GALNT13: variants seen among roughly 807,000 people sequenced by gnomAD.
The protein encoded by GALNT13 is polypeptide N-acetylgalactosaminyltransferase 13.
A neutral mutation model predicts 64.2 loss-of-function variants in GALNT13; 28 were observed. That is an observed-to-expected ratio of 0.44 (90% CI 0.32 to 0.60). GALNT13 has a LOEUF of 0.60. Ranked by LOEUF, GALNT13 falls within the 20% of genes least tolerant of loss-of-function variation. The pLI is 0.05. For missense variants in GALNT13, 577 were observed against 669.8 expected, an observed-to-expected ratio of 0.86 and a Z score of 1.53; for synonymous variants, 214 against 224.6, an observed-to-expected ratio of 0.95 and a Z score of 0.42.
chr2:153,409,336 A>G, the GALNT13 span, among the ~76,000 whole-genome samples: 3 of 148,722 alleles, frequency 2.0e-5, no homozygotes, highest in Non-Finnish European at 3.0e-5. Context: ...TCATATGTAT[A>G]TGTATATATT....
intron 8 of GALNT13, among the ~76,000 whole-genome samples, chr2:154,297,026 T>G (rs1444703900): frequency 6.6e-6 from 1 of 152,188 alleles, no homozygotes; most frequent in Non-Finnish European, 1.5e-5. Context: ...TGAAAAGGTA[T>G]GTGGTATGTT....
the GALNT13 span, among the ~76,000 whole-genome samples, chr2:153,275,375 T>C: frequency 5.9e-5 from 9 of 152,308 alleles, no homozygotes; most frequent in Non-Finnish European, 1.3e-4. Flanking sequence ...TAAAGGTGAT[T>C]AGGCAATGAG....
the GALNT13 span, among the ~76,000 whole-genome samples, chr2:153,855,049 G>C: frequency 6.6e-6 from 1 of 151,986 alleles, no homozygotes; most frequent in Non-Finnish European, 1.5e-5. Context: ...TCACAAACAA[G>C]CCTACTTGTA....
At chr2:153,478,645 C>T in the GALNT13 span, 1 of 1,189,308 alleles carries the variant, frequency 8.4e-7, no homozygotes, top group Non-Finnish European at 1.2e-6. Flanking sequence ...AGGTGCCGGG[C>T]TGAGCGCTCA....
chr2:153,768,969 T>A, the GALNT13 span, among the ~76,000 whole-genome samples: 1 of 152,236 alleles, frequency 6.6e-6, no homozygotes, highest in Admixed American at 6.5e-5. Flanking sequence ...TCTATTTTTT[T>A]ACTTTGAATC....
chr2:153,814,256 T>C, the GALNT13 span, among the ~76,000 whole-genome samples: 1 of 151,962 alleles, frequency 6.6e-6, no homozygotes, highest in Non-Finnish European at 1.5e-5. Flanking sequence ...CTGGCTAACA[T>C]GGTGAAACCC....
At chr2:154,225,160 T>TGATA (rs56211679) in intron 4 of GALNT13, among the ~76,000 whole-genome samples, 13,607 of 138,002 alleles carry the variant, frequency 0.099, 978 homozygotes, top group African/African-American at 0.19. Context: ...GATAGATAGA[T>TGATA]GATAGATAGA....
At chr2:153,151,290 T>C in the GALNT13 span, among the ~76,000 whole-genome samples, 8 of 151,998 alleles carry the variant, frequency 5.3e-5, no homozygotes, top group East Asian at 1.4e-3. Context: ...GATACCATCT[T>C]ACACCAGTTA....
At chr2:154,124,981 A>G (rs949002071) in intron 3 of GALNT13, among the ~76,000 whole-genome samples, 1 of 152,140 alleles carries the variant, frequency 6.6e-6, no homozygotes, top group African/African-American at 2.4e-5. Flanking sequence ...CTCTGAGGGT[A>G]GGCTGCCTGG....
At chr2:154,300,099 CTTTT>C (rs368475927) in intron 8 of GALNT13, among the ~76,000 whole-genome samples, 1 of 117,042 alleles carries the variant, frequency 8.5e-6, no homozygotes, top group Non-Finnish European at 1.7e-5. Flanking sequence ...TTCTTTCTCT[CTTTT>C]TTTTTTTTTT....
chr2:153,275,267 A>AT, the GALNT13 span, among the ~76,000 whole-genome samples: 1 of 152,120 alleles, frequency 6.6e-6, no homozygotes, highest in Non-Finnish European at 1.5e-5. Flanking sequence ...CAGCTCTTTA[A>AT]TTTTAACAAT....
chr2:154,242,001 T>G, intron 4 of GALNT13, 29 bp from the exon 5 acceptor site: 2 of 1,470,940 alleles, frequency 1.4e-6, no homozygotes, highest in South Asian at 2.6e-5. Flanking sequence ...ATGCATTTAT[T>G]AAGATCCCTC....
intron 8 of GALNT13, among the ~76,000 whole-genome samples, chr2:154,265,926 G>T (rs1690970058): frequency 6.6e-6 from 1 of 152,306 alleles, no homozygotes; most frequent in East Asian, 1.9e-4. Flanking sequence ...TGATTAAGTA[G>T]TGTTCATTGC....
At chr2:154,103,823 A>AC (rs1558959322) in intron 3 of GALNT13, among the ~76,000 whole-genome samples, 1 of 152,044 alleles carries the variant, frequency 6.6e-6, no homozygotes, top group Non-Finnish European at 1.5e-5. Context: ...TGGCGTATGA[A>AC]CCCACTCACC....
chr2:153,535,013 G>T, the GALNT13 span, among the ~76,000 whole-genome samples: 1 of 152,014 alleles, frequency 6.6e-6, no homozygotes, highest in Non-Finnish European at 1.5e-5. Context: ...TGTTGGGGCG[G>T]CGAAAATTTT....
chr2:154,402,767 G>A (rs555150195), intron 10 of GALNT13, among the ~76,000 whole-genome samples: 4 of 152,254 alleles, frequency 2.6e-5, no homozygotes, highest in Admixed American at 1.3e-4. Flanking sequence ...ATATGGTACC[G>A]TTGACAAAAT....
chr2:154,021,566 T>C (rs1223647906), intron 3 of GALNT13, among the ~76,000 whole-genome samples: 1 of 152,136 alleles, frequency 6.6e-6, no homozygotes, highest in East Asian at 1.9e-4. Flanking sequence ...CCTGAGACTT[T>C]GCTGAAGTTG....
the GALNT13 span, among the ~76,000 whole-genome samples, chr2:153,462,695 A>G: frequency 6.6e-6 from 1 of 152,152 alleles, no homozygotes; most frequent in African/African-American, 2.4e-5. Flanking sequence ...AGACTTGCCG[A>G]GCCATACTAT....
At chr2:153,822,972 TC>T in the GALNT13 span, among the ~76,000 whole-genome samples, 1 of 152,126 alleles carries the variant, frequency 6.6e-6, no homozygotes, top group Non-Finnish European at 1.5e-5. Context: ...TTTATATAGA[TC>T]AATAATGTTC....
Sources: gnomAD v4.1 joint callset for allele counts (sites outside exome capture counted in the v4.1 genomes callset) on GRCh38, gnomAD v4.1.1 for gene constraint, MANE v1.5 for transcripts, NCBI Gene and HGNC (gene_info 2026-07-23, HGNC 2026-07-21) for gene names.